Variants in DHRS12 observed in about 807,000 individuals in gnomAD.
The protein encoded by DHRS12 is dehydrogenase/reductase SDR family member 12.
In DHRS12, 29 loss-of-function variants were observed where a neutral mutation model predicts 32.1. The ratio of observed to expected loss-of-function variants is 0.90; its 90% CI spans 0.67 to 1.23. DHRS12 has a LOEUF of 1.23. Ranked by LOEUF, DHRS12 falls within the 50% of genes most tolerant of loss-of-function variation. The pLI, the probability that DHRS12 is intolerant of heterozygous loss-of-function variation, is 0.00. For missense variants in DHRS12, 330 were observed against 337.2 expected (o/e 0.98, Z 0.17); for synonymous variants, 150 against 135.9 (o/e 1.10, Z -0.72).
intron 2 of DHRS12, 34 bp downstream of exon 2, chr13:51,799,500 G>A (rs375676648): frequency 8.1e-6 from 13 of 1,610,962 alleles, no homozygotes; most frequent in Non-Finnish European, 9.3e-6. Flanking sequence ...CTGGCCGTGG[G>A]GCTCAGTGGA....
chr13:51,781,918 A>G (rs956374281), intron 4 of DHRS12, among the ~76,000 whole-genome samples: 2 of 152,166 alleles, frequency 1.3e-5, no homozygotes, highest in Non-Finnish European at 1.5e-5. Flanking sequence ...GAGGGCACCT[A>G]GGGCCCCATA....
At chr13:51,804,005 G>A (rs1008654322) in intron 1 of DHRS12, 49 bp downstream of exon 1, 13 of 1,420,050 alleles carry the variant, frequency 9.2e-6, no homozygotes, top group African/African-American at 7.5e-5. Context: ...CCGCGCCGAG[G>A]CGGGCCACGT....
At chr13:51,799,814 C>T in intron 1 of DHRS12, 147 bp from the exon 2 acceptor site, 1 of 894,470 alleles carries the variant, frequency 1.1e-6, no homozygotes, top group African/African-American at 1.7e-5. Context: ...CTTGCCCTCC[C>T]TGCTCTCACA....
intron 5 of DHRS12, chr13:51,775,960 T>TTCTACAGTATTCTCCTACATGTAC (rs1954341180): frequency 2.0e-5 from 2 of 98,936 alleles, no homozygotes; most frequent in African/African-American, 1.0e-4. Flanking sequence ...CCTACATGTA[T>TTCTACAGTATTCTCCTACATGTAC]TCTACAGTAT....
At chr13:51,793,000 C>T (rs1488047163) in intron 2 of DHRS12, among the ~76,000 whole-genome samples, 1 of 151,604 alleles carries the variant, frequency 6.6e-6, no homozygotes, top group African/African-American at 2.4e-5. Context: ...ATGACAACTT[C>T]TGCTGTGACC....
rs556129701 is a variant in DHRS12, at chr13:51,785,159, T to C, written c.301+4852A>G. Among the ~76,000 whole-genome samples, 5 of 152,228 alleles carry C rather than the reference T, an allele frequency of 3.3e-5. No individual in the cohort carries two copies. In the South Asian group the frequency reaches 8.3e-4, roughly 25 times the overall value. ...AGGAGAATTGCTTGAGCCCAAGAGA[T>C]GGAGGTTGCAGTGAGCTGAGATTGT... is the stretch of plus-strand genomic sequence containing the variant. On this transcript the variant is annotated intron_variant, in intron 4 of 8. Coordinates refer to ENST00000444610, the MANE Select transcript of DHRS12 (RefSeq NM_001377533.1).
intron 2 of DHRS12, among the ~76,000 whole-genome samples, chr13:51,794,791 AG>A (rs1202234930): frequency 1.3e-4 from 8 of 59,898 alleles, no homozygotes; most frequent in African/African-American, 3.7e-4. Context: ...ATAAAATAGA[AG>A]TTTTTTTTTT....
At chr13:51,771,227 C>G in intron 7 of DHRS12, 1 of 1,551,562 alleles carries the variant, frequency 6.4e-7, no homozygotes, top group Non-Finnish European at 8.7e-7. Flanking sequence ...TGTGCTGTGG[C>G]TGCTGCTGCT....
At chr13:51,785,729 G>C (rs935854381) in intron 4 of DHRS12, among the ~76,000 whole-genome samples, 1 of 152,218 alleles carries the variant, frequency 6.6e-6, no homozygotes, top group South Asian at 2.1e-4. Context: ...ATCTGCAGAA[G>C]AGTCAGCAAA....
the DHRS12 span, chr13:51,760,365 G>C: frequency 6.6e-6 from 1 of 152,088 alleles, no homozygotes; most frequent in South Asian, 2.1e-4. Context: ...CCTGAAGAGC[G>C]ATTTGTTTGT....
intron 7 of DHRS12, chr13:51,771,344 T>C (rs1263900344): frequency 1.1e-5 from 17 of 1,608,416 alleles, no homozygotes; most frequent in Non-Finnish European, 1.4e-5. Flanking sequence ...TCTGCTCCCC[T>C]CCACCGCTGC....
intron 5 of DHRS12, chr13:51,774,358 CTACAG>C (rs1474960100): frequency 2.5e-5 from 3 of 120,134 alleles, no homozygotes; most frequent in African/African-American, 1.2e-4. Context: ...ATGTATTCTC[CTACAG>C]TATTCTCCTA....
rs753264454 is a variant in DHRS12 at position 51,769,199 on chromosome 13, G to A, written c.654C>T (p.Leu218=). ...QGADTMLWLA[L]SSAAAAQPSG... ...TGGGCTGTGCGGCTGCGGCAGAGGA[G>A]AGGGCCAGCCACAGCATGGTGTCCG... is the stretch of plus-strand genomic sequence containing the variant. The change falls in exon 8 of 9, where the codon CTC becomes CTT. Residue 218 remains leucine, a synonymous_variant. Transcript: ENST00000444610. The A allele has an allele frequency of 2.8e-5, 44 of 1,564,544 alleles. 1 individual carries two copies. The South Asian group carries it at 4.7e-4, about 17-fold the overall frequency.
intron 4 of DHRS12, among the ~76,000 whole-genome samples, chr13:51,778,649 C>G (rs796685089): frequency 5.3e-5 from 8 of 152,106 alleles, no homozygotes; most frequent in Non-Finnish European, 1.2e-4. Context: ...CTGCTGCCTG[C>G]GAAGGGCACC....
chr13:51,768,018 C>G lies in DHRS12; in HGVS notation c.*169G>C. 1 of 1,425,722 alleles carries G rather than the reference C, an allele frequency of 7.0e-7. No homozygotes were observed. The allele number at this position is 1,425,722 out of a possible 1,614,324, so 88.3% of individuals were successfully genotyped here. A position where few individuals can be genotyped will look rare whatever the true frequency, so the allele number is the denominator to read the frequency against. The stretch of plus-strand genomic sequence containing the variant: ...TTCAAGGTGAGCCTGATCACAGCCT[C>G]GGTAGTATTTATTTTGAAATAAAAG... On this transcript the variant is annotated 3_prime_UTR_variant, in exon 9 of 9. Coordinates refer to ENST00000444610, the MANE Select transcript of DHRS12 (RefSeq NM_001377533.1).
chr13:51,780,275 A>AT (rs1411805882), intron 4 of DHRS12, among the ~76,000 whole-genome samples: 2 of 152,212 alleles, frequency 1.3e-5, no homozygotes, highest in African/African-American at 4.8e-5. Context: ...TTAGTCATTC[A>AT]TATCTTCGTG....
chr13:51,768,066 C>G lies in DHRS12; in HGVS notation c.*121G>C. ...AAGTTCCCATCCCTTGTAGGCCTCG[C>G]TGTGAGGCACAACGTCTTCGAGGGG... On this transcript the variant is annotated 3_prime_UTR_variant, in exon 9 of 9. Transcript: ENST00000444610. 1 of 1,472,252 alleles carries G rather than the reference C, an allele frequency of 6.8e-7. No homozygotes were observed. The allele number at this position is 1,472,252 out of a possible 1,614,324, so 91.2% of individuals were successfully genotyped here. A position where few individuals can be genotyped will look rare whatever the true frequency, so the allele number is the denominator to read the frequency against.
In DHRS12 at chr13:51,781,301, G is replaced by A. The variant is rs565806222; in HGVS notation, c.302-4180C>T. On this transcript the variant is annotated intron_variant, in intron 4 of 8. Transcript: ENST00000444610. Reference sequence around the variant, plus strand: ...GGTTTGGGCTCAGAGAGTGGTTAGCGTGAGTCAGGCCTATCCCCTTTGCCC... The same window carrying A: ...GGTTTGGGCTCAGAGAGTGGTTAGCATGAGTCAGGCCTATCCCCTTTGCCC... Among the ~76,000 whole-genome samples, 34 of 152,290 alleles carry A rather than the reference G, an allele frequency of 2.2e-4. No homozygotes were observed. The East Asian group carries it at 4.8e-3, about 22-fold the overall frequency.
At chr13:51,755,370 T>C in the DHRS12 span, 41 of 1,614,152 alleles carry the variant, frequency 2.5e-5, no homozygotes, top group East Asian at 4.5e-5. Flanking sequence ...CCCTGAATGG[T>C]TGGACAGTGA....
Sources: allele counts gnomAD v4.1 joint callset (sites outside exome capture counted in the v4.1 genomes callset), GRCh38; gene constraint gnomAD v4.1.1; transcripts MANE v1.5; gene names NCBI Gene and HGNC (gene_info 2026-07-23, HGNC 2026-07-21).